SMG7: variants seen among roughly 807,000 people sequenced by gnomAD.
SMG7 encodes the protein SMG7 nonsense mediated mRNA decay factor, also known as nonsense-mediated mRNA decay factor SMG7.
A neutral mutation model predicts 148.2 loss-of-function variants in SMG7; 34 were observed. The observed-to-expected ratio is 0.23, with a 90% CI of 0.17 to 0.31. The LOEUF is 0.31. Among genes scored for constraint, SMG7 ranks in the 10% least tolerant of loss-of-function variants. The probability of loss-of-function intolerance (pLI) is 1.00; values close to 1 mark genes in which losing one functional copy is unlikely to be tolerated. For missense variants in SMG7, 1,114 were observed against 1,408.4 expected, an observed-to-expected ratio of 0.79 and a Z score of 3.35; for synonymous variants, 492 against 515.1, an observed-to-expected ratio of 0.96 and a Z score of 0.61.
intron 4 of SMG7, among the ~76,000 whole-genome samples, chr1:183,521,018 C>T (rs952985010): frequency 1.3e-5 from 2 of 149,562 alleles, no homozygotes; most frequent in Non-Finnish European, 3.0e-5. Flanking sequence ...CAATAAACGT[C>T]TTTATTTTCA....
Position 183,553,347 on chromosome 1 carries a change from G to A in SMG7, c.*1416G>A. ...GAAACAATCTAATTGTTCAATTGCT[G>A]TGCTAGTGGTAGGGTTTATTTTCTG... On this transcript the variant is annotated 3_prime_UTR_variant, in exon 23 of 23. Coordinates refer to ENST00000688051, the MANE Select transcript of SMG7 (RefSeq NM_001375584.1). 1.1e-6 allele frequency: 1 copy of A among 882,004 alleles called. No individual in the cohort carries two copies. Among genetic ancestry groups the A allele is most frequent in the Non-Finnish European group, 1.7e-6 (1 of 594,068 alleles). The allele number at this position is 882,004 out of a possible 1,614,324, so 54.6% of individuals were successfully genotyped here. A position where few individuals can be genotyped will look rare whatever the true frequency, so the allele number is the denominator to read the frequency against.
rs532722674 is a variant in SMG7 at position 183,553,049 on chromosome 1, G to T, written c.*1118G>T. 1 of 1,536,224 alleles carries T rather than the reference G, an allele frequency of 6.5e-7. No homozygotes were observed. The highest frequency in any genetic ancestry group is 1.4e-5 in the African/African-American group (1 of 73,174). Reference sequence around the variant, plus strand: ...AGAGGAAGGAAGCAGCAGTATCTGCGTAGCCCACAGAGGGCCCAGGCCCCT... The same window carrying T: ...AGAGGAAGGAAGCAGCAGTATCTGCTTAGCCCACAGAGGGCCCAGGCCCCT... On this transcript the variant is annotated 3_prime_UTR_variant, in exon 23 of 23. Coordinates refer to ENST00000688051, the MANE Select transcript of SMG7 (RefSeq NM_001375584.1).
intron 14 of SMG7, among the ~76,000 whole-genome samples, chr1:183,542,896 T>C (rs1214238975): frequency 1.3e-5 from 2 of 151,766 alleles, no homozygotes; most frequent in Admixed American, 1.3e-4. Flanking sequence ...TTATGCAGTT[T>C]TTTTTTTTAG....
At chr1:183,493,354 C>G (rs1271297823) in intron 1 of SMG7, among the ~76,000 whole-genome samples, 1 of 152,130 alleles carries the variant, frequency 6.6e-6, no homozygotes, top group African/African-American at 2.4e-5. Flanking sequence ...ACTTAGACAA[C>G]TAATTCTAGT....
chr1:183,549,946 T>C (rs773203925), intron 20 of SMG7, 23 bp downstream of exon 20: 3 of 1,572,114 alleles, frequency 1.9e-6, no homozygotes, highest in East Asian at 4.5e-5. Context: ...CTTTAAATTA[T>C]AGACCTTACA....
intron 1 of SMG7, among the ~76,000 whole-genome samples, chr1:183,478,127 A>G (rs1269036501): frequency 6.6e-6 from 1 of 152,130 alleles, no homozygotes; most frequent in African/African-American, 2.4e-5. Flanking sequence ...TGGGAGGAAT[A>G]TATAAATAGG....
Position 183,489,657 on chromosome 1 carries a change from A to G in SMG7, c.29+17008A>G, listed in dbSNP as rs575981631. Among the ~76,000 whole-genome samples, 26 of 152,326 alleles carry G rather than the reference A, an allele frequency of 1.7e-4. 1 individual carries two copies. The South Asian group carries it at 5.2e-3, about 30-fold the overall frequency. ...AATTATTGCCTTTGTATTGTCTTCAATAATGGTGAGACTTGAATCTACAAG... is the reference window on the plus strand; with the variant it reads ...AATTATTGCCTTTGTATTGTCTTCAGTAATGGTGAGACTTGAATCTACAAG... On this transcript the variant is annotated intron_variant, in intron 1 of 22. Transcript: ENST00000688051.
chr1:183,495,342 C>G (rs1168786020), intron 1 of SMG7, among the ~76,000 whole-genome samples: 1 of 152,066 alleles, frequency 6.6e-6, no homozygotes, highest in Non-Finnish European at 1.5e-5. Flanking sequence ...ATGTATAATT[C>G]ATGTGAGAAA....
At chr1:183,541,182 A>G in intron 13 of SMG7, 79 bp downstream of exon 13, 1 of 1,236,786 alleles carries the variant, frequency 8.1e-7, no homozygotes, top group South Asian at 1.3e-5. Context: ...GCGCGCACAC[A>G]CACACATCTC....
Position 183,512,643 on chromosome 1 carries a change from G to A in SMG7, c.30-194G>A, listed in dbSNP as rs1464893315. On this transcript the variant is annotated intron_variant, in intron 1 of 22. Coordinates refer to ENST00000688051, the MANE Select transcript of SMG7 (RefSeq NM_001375584.1). ...GTGGTCCTTAAACTTTTAAGTATTG[G>A]CATTAATTTGCCAAGACCTTGTGCT... 2.0e-5 allele frequency among the ~76,000 whole-genome samples: 3 copies of A among 152,082 alleles called. No individual in the cohort carries two copies. In the East Asian group the frequency reaches 5.8e-4, roughly 29 times the overall value.
chr1:183,527,851 T>C lies in SMG7; in HGVS notation c.485-105T>C. 1 of 729,740 alleles carries C rather than the reference T, an allele frequency of 1.4e-6. No homozygotes were observed. 45.2% of individuals were successfully genotyped at this position (729,740 alleles called of 1,614,324 possible). A position where few individuals can be genotyped will look rare whatever the true frequency, so the allele number is the denominator to read the frequency against. On this transcript the variant is annotated intron_variant, in intron 5 of 22. Coordinates refer to ENST00000688051, the MANE Select transcript of SMG7 (RefSeq NM_001375584.1). The surrounding 1 kb of genome is among the most constrained non-coding windows in gnomAD (Gnocchi z 4.0). ...ATTTTGTCTTTAATTTTAAATTAACTTTAATGTCTTTATTATCTTTAGAAC... is the reference window on the plus strand; with the variant it reads ...ATTTTGTCTTTAATTTTAAATTAACCTTAATGTCTTTATTATCTTTAGAAC...
Position 183,549,807 on chromosome 1 carries a change from A to G in SMG7, c.3017A>G (p.Lys1006Arg), listed in dbSNP as rs773289336. 5.6e-6 allele frequency: 9 copies of G among 1,613,836 alleles called. No individual in the cohort carries two copies. The highest frequency in any genetic ancestry group is 2.2e-5 in the East Asian group (1 of 44,876). Residue 1006 changes from lysine (K) to arginine (R), a missense_variant, in exon 20 of 23, where the codon AAA becomes AGA. Physicochemically the swap from Lys to Arg is conservative, Grantham distance 26 (BLOSUM62 2). Around this residue, in one of 4 missense-constraint regions of SMG7, gnomAD observed 788 missense variants for 894.5 expected, o/e 0.88. Transcript: ENST00000688051. ...AGTATGTTCAATGAGGTATATGGGA[A>G]AAACCTGACATCCAGCTCCAAAGCA... ...NNSMFNEVYGKNLTSSSKAEL... is the reference protein window; with the variant it reads ...NNSMFNEVYGRNLTSSSKAEL...
intron 1 of SMG7, among the ~76,000 whole-genome samples, chr1:183,475,278 A>C (rs1302460339): frequency 6.6e-6 from 1 of 152,202 alleles, no homozygotes. Context: ...CAGTAAACAT[A>C]GCAGTTAAAT....
intron 1 of SMG7, among the ~76,000 whole-genome samples, chr1:183,489,572 A>G (rs1656409410): frequency 6.6e-6 from 1 of 152,204 alleles, no homozygotes; most frequent in Non-Finnish European, 1.5e-5. Context: ...GGGAATATTT[A>G]ATGAATATCT....
rs1458374735 is a variant in SMG7, at chr1:183,553,981, C to G, written c.*2050C>G. ...ATTTGGTGTTTGGAATGTTTTCTGACTCTTGGGGCGGGATTCCTCGCCTTA... is the reference window on the plus strand; with the variant it reads ...ATTTGGTGTTTGGAATGTTTTCTGAGTCTTGGGGCGGGATTCCTCGCCTTA... On this transcript the variant is annotated 3_prime_UTR_variant, in exon 23 of 23. Transcript: ENST00000688051. 3.3e-5 allele frequency: 5 copies of G among 152,640 alleles called. No individual in the cohort carries two copies. Among genetic ancestry groups the G allele is most frequent in the Non-Finnish European group, 7.3e-5 (5 of 68,052 alleles). 9.5% of individuals were successfully genotyped at this position (152,640 alleles called of 1,614,324 possible).
chr1:183,542,597 C>G (rs905803382), intron 14 of SMG7, 95 bp downstream of exon 14: 8 of 1,041,206 alleles, frequency 7.7e-6, no homozygotes, highest in Non-Finnish European at 1.1e-5. Context: ...ATTGGCCGTC[C>G]TGGAAGTTTA....
intron 18 of SMG7, 47 bp from the exon 19 acceptor site, chr1:183,549,161 A>C (rs1262968272): frequency 1.4e-6 from 2 of 1,394,932 alleles, no homozygotes; most frequent in Non-Finnish European, 2.0e-6. Context: ...TAATATTAAG[A>C]AAATAGAAGG....
chr1:183,535,236 T>G (rs181541040), intron 10 of SMG7, among the ~76,000 whole-genome samples: 1,691 of 152,322 alleles, frequency 0.011, 31 homozygotes, highest in African/African-American at 0.039. Flanking sequence ...TTTTGTTTTT[T>G]CTTATTGTTG....
At chr1:183,506,706 A>C (rs139355168) in intron 1 of SMG7, among the ~76,000 whole-genome samples, 1,690 of 151,292 alleles carry the variant, frequency 0.011, 33 homozygotes, top group African/African-American at 0.039. Flanking sequence ...AAAATAAAAG[A>C]GAGTGATTCA....
Sources: allele counts gnomAD v4.1 joint callset (sites outside exome capture counted in the v4.1 genomes callset), GRCh38; gene constraint gnomAD v4.1.1; regional missense constraint gnomAD v4.1.1; non-coding constraint Gnocchi (gnomAD v3.1); transcripts MANE v1.5; gene names NCBI Gene and HGNC (gene_info 2026-07-23, HGNC 2026-07-21).